Variants in MRPS27 observed in about 807,000 individuals in gnomAD.
The protein encoded by MRPS27 is mitochondrial ribosomal protein S27.
In MRPS27, 43 loss-of-function variants were observed where a neutral mutation model predicts 48.9. That is an observed-to-expected ratio of 0.88 (90% CI 0.69 to 1.13). MRPS27 has a LOEUF of 1.13. MRPS27 is among the 50% of genes most tolerant of loss of function. MRPS27 has a pLI of 0.00. For synonymous variants in MRPS27, 188 were observed against 171.9 expected, an observed-to-expected ratio of 1.09 and a Z score of -0.73; for missense variants, 467 against 476.3, an observed-to-expected ratio of 0.98 and a Z score of 0.18.
Position 72,238,423 on chromosome 5 carries a change from C to G in MRPS27, c.282-295G>C, listed in dbSNP as rs751619192. On this transcript the variant is annotated intron_variant, in intron 4 of 10. Transcript: ENST00000261413. ...TGAAAAATGATTTGGGAAAAATACTCTACTAATCATGGCATTATGTAAACA... is the reference window on the plus strand; with the variant it reads ...TGAAAAATGATTTGGGAAAAATACTGTACTAATCATGGCATTATGTAAACA... Among the ~76,000 whole-genome samples the G allele has an allele frequency of 8.5e-4, 129 of 152,156 alleles. 1 individual carries two copies. The highest frequency in any genetic ancestry group is 1.6e-3 in the Non-Finnish European group (112 of 68,014).
At chr5:72,283,496 G>A (rs1252995845) in intron 4 of MRPS27, among the ~76,000 whole-genome samples, 1 of 152,174 alleles carries the variant, frequency 6.6e-6, no homozygotes, top group Admixed American at 6.5e-5. Flanking sequence ...ATGGCTCCAA[G>A]GGACTCACTT....
chr5:72,254,516 C>T (rs1268364984), intron 4 of MRPS27, among the ~76,000 whole-genome samples: 2 of 152,168 alleles, frequency 1.3e-5, no homozygotes, highest in Admixed American at 1.3e-4. Flanking sequence ...ATTTCCTCCT[C>T]CTGGAATTAT....
At chr5:72,305,275 T>C (rs755070710) in intron 2 of MRPS27, among the ~76,000 whole-genome samples, 1 of 152,128 alleles carries the variant, frequency 6.6e-6, no homozygotes. Flanking sequence ...GGAAAATGAA[T>C]AGATGCCACA....
chr5:72,283,762 T>C (rs532912067), intron 4 of MRPS27, among the ~76,000 whole-genome samples: 23 of 152,070 alleles, frequency 1.5e-4, no homozygotes, highest in Middle Eastern at 6.8e-3. Context: ...AAACTCACCC[T>C]CTTGCTGCCT....
intron 4 of MRPS27, among the ~76,000 whole-genome samples, chr5:72,270,340 A>G (rs1239240716): frequency 6.6e-6 from 1 of 151,680 alleles, no homozygotes; most frequent in Admixed American, 6.6e-5. Context: ...GACAAGACCA[A>G]TAACCTAGCA....
At chr5:72,233,005 C>T (rs1459632909) in intron 6 of MRPS27, among the ~76,000 whole-genome samples, 2 of 152,142 alleles carry the variant, frequency 1.3e-5, no homozygotes, top group Non-Finnish European at 2.9e-5. Context: ...TTCTCAAGGT[C>T]ACCCTGACAG....
chr5:72,234,082 A>G, intron 6 of MRPS27, 37 bp downstream of exon 6: 1 of 1,451,850 alleles, frequency 6.9e-7, no homozygotes, highest in Non-Finnish European at 9.1e-7. Context: ...GGGAGCTGGA[A>G]GCCCTATAAA....
At chr5:72,304,481 T>A (rs995174147) in intron 2 of MRPS27, among the ~76,000 whole-genome samples, 1 of 152,142 alleles carries the variant, frequency 6.6e-6, no homozygotes, top group Non-Finnish European at 1.5e-5. Context: ...TGAAAATTAT[T>A]AAAAACACAC....
chr5:72,238,092 GTTT>G lies in MRPS27; in HGVS notation c.315_317del (p.Arg105_Asn106delinsSer), dbSNP rs1453840336. On this transcript the variant is annotated inframe_deletion, in exon 5 of 11. Transcript: ENST00000261413. ...GCCTAATCCAGGTGTGGATAGTCCA[GTTT>G]CTCAGGTACCAGCAGTTGGGGCTGT... 1.2e-6 allele frequency: 2 copies of G among 1,613,512 alleles called. No individual in the cohort carries two copies. Among genetic ancestry groups the G allele is most frequent in the East Asian group, 2.2e-5 (1 of 44,846 alleles).
intron 4 of MRPS27, among the ~76,000 whole-genome samples, chr5:72,271,968 A>C (rs917270483): frequency 5.3e-5 from 8 of 152,210 alleles, no homozygotes; most frequent in African/African-American, 1.4e-4. Context: ...CAAAGTGCAC[A>C]ATCAAATAGC....
intron 4 of MRPS27, among the ~76,000 whole-genome samples, chr5:72,238,332 C>T (rs750549102): frequency 7.3e-6 from 1 of 136,546 alleles, no homozygotes; most frequent in African/African-American, 3.7e-5. Flanking sequence ...TAATAAATAA[C>T]AAAAAATTTT....
chr5:72,266,093 T>C (rs1034180342), intron 4 of MRPS27, among the ~76,000 whole-genome samples: 34 of 152,030 alleles, frequency 2.2e-4, no homozygotes, highest in Admixed American at 5.9e-4. Flanking sequence ...GGAGAAACAA[T>C]AGGTCTTGGT....
chr5:72,308,722 A>G (rs1750352718), intron 2 of MRPS27, among the ~76,000 whole-genome samples: 1 of 152,242 alleles, frequency 6.6e-6, no homozygotes, highest in Non-Finnish European at 1.5e-5. Context: ...CGTCGAGTAA[A>G]ACCGAAAACA....
At chr5:72,308,634 C>T (rs1750350360) in intron 2 of MRPS27, among the ~76,000 whole-genome samples, 1 of 152,244 alleles carries the variant, frequency 6.6e-6, no homozygotes, top group Non-Finnish European at 1.5e-5. Flanking sequence ...GGCGCTCTCC[C>T]TACCATGCGG....
intron 8 of MRPS27, 165 bp downstream of exon 8, chr5:72,228,101 T>C: frequency 1.6e-6 from 1 of 640,470 alleles, no homozygotes; most frequent in Non-Finnish European, 2.7e-6. Context: ...TTTACTCTCT[T>C]ATGGAGTAAC....
At chr5:72,232,178 A>G (rs1748079559) in intron 7 of MRPS27, among the ~76,000 whole-genome samples, 1 of 152,178 alleles carries the variant, frequency 6.6e-6, no homozygotes, top group Admixed American at 6.5e-5. Flanking sequence ...AGTGACTACC[A>G]ATGACCCATT....
intron 4 of MRPS27, among the ~76,000 whole-genome samples, chr5:72,288,210 CTT>C (rs34161754): frequency 1.4e-4 from 20 of 141,294 alleles, no homozygotes; most frequent in East Asian, 2.1e-4. Context: ...GGCAAGAATT[CTT>C]TTTTTTTTTT....
chr5:72,234,322 T>C, intron 5 of MRPS27, 125 bp from the exon 6 acceptor site: 1 of 849,534 alleles, frequency 1.2e-6, no homozygotes, highest in Admixed American at 4.8e-5. Context: ...TGACTATCAT[T>C]TTACAGCATC....
chr5:72,296,089 T>G (rs772506810), intron 3 of MRPS27, among the ~76,000 whole-genome samples: 5 of 152,184 alleles, frequency 3.3e-5, no homozygotes, highest in Admixed American at 6.5e-5. Flanking sequence ...TATGCAACAG[T>G]AAACCTATGA....
Sources: allele counts gnomAD v4.1 joint callset (sites outside exome capture counted in the v4.1 genomes callset), GRCh38; gene constraint gnomAD v4.1.1; transcripts MANE v1.5; gene names NCBI Gene and HGNC (gene_info 2026-07-23, HGNC 2026-07-21).